LYRM4: variants seen among roughly 807,000 people sequenced by gnomAD.
LYRM4 encodes the protein LYR motif containing 4.
A neutral mutation model predicts 11.7 loss-of-function variants in LYRM4; 9 were observed. The observed-to-expected ratio is 0.77, with a 90% confidence interval of 0.46 to 1.34. LYRM4 has a LOEUF of 1.34. LYRM4 is among the 40% of genes most tolerant of loss of function. The pLI, the probability that LYRM4 is intolerant of heterozygous loss-of-function variation, is 0.00. For missense variants in LYRM4, 133 were observed against 112.5 expected, an observed-to-expected ratio of 1.18 and a Z score of -0.82; for synonymous variants, 42 against 40.4, an observed-to-expected ratio of 1.04 and a Z score of -0.15.
chr6:5,156,713 T>C (rs1758434008), intron 2 of LYRM4, among the ~76,000 whole-genome samples: 1 of 152,194 alleles, frequency 6.6e-6, no homozygotes, highest in Non-Finnish European at 1.5e-5. Flanking sequence ...TATAATCTGT[T>C]TTGTGCTAAA....
At chr6:5,165,096 T>C (rs1356569840) in intron 2 of LYRM4, among the ~76,000 whole-genome samples, 1 of 152,184 alleles carries the variant, frequency 6.6e-6, no homozygotes, top group Non-Finnish European at 1.5e-5. Flanking sequence ...TCTTTCCTCC[T>C]ATCATGCTGA....
rs777995486 is a variant in LYRM4 at position 5,256,490 on chromosome 6, G to GAAAAAAAAAAAAAAAAAAAA, written c.86+4157_86+4158insTTTTTTTTTTTTTTTTTTTT. ...GGGCAACAAGGGCAAGATTTCAACT[G>GAAAAAAAAAAAAAAAAAAAA]GAAAAAAAAAAAAAAAAAAAAAAAA... On this transcript the variant is annotated intron_variant, in intron 1 of 2. Coordinates refer to ENST00000330636, the MANE Select transcript of LYRM4 (RefSeq NM_020408.6). Among the ~76,000 whole-genome samples the GAAAAAAAAAAAAAAAAAAAA allele has an allele frequency of 6.1e-4, 23 of 37,522 alleles. 8 individuals carry two copies. The highest frequency in any genetic ancestry group is 7.6e-4 in the Non-Finnish European group (14 of 18,394). The allele number at this position is 37,522 out of a possible 152,430, so 24.6% of individuals were successfully genotyped here.
the LYRM4 span, among the ~76,000 whole-genome samples, chr6:5,071,474 C>T: frequency 1.1e-4 from 16 of 152,048 alleles, no homozygotes; most frequent in African/African-American, 3.4e-4. Flanking sequence ...GAGCAAGGTA[C>T]TTGGCTTGGA....
chr6:5,160,503 AT>A (rs1344304716), intron 2 of LYRM4, among the ~76,000 whole-genome samples: 2 of 151,982 alleles, frequency 1.3e-5, no homozygotes, highest in Non-Finnish European at 2.9e-5. Context: ...AAAATCTGAT[AT>A]TTTTATAATA....
intron 2 of LYRM4, among the ~76,000 whole-genome samples, chr6:5,144,428 G>A (rs973095194): frequency 6.6e-6 from 1 of 151,986 alleles, no homozygotes; most frequent in African/African-American, 2.4e-5. Context: ...ACAAGCTCAG[G>A]AGATCGAGAC....
intron 2 of LYRM4, chr6:5,136,360 G>C: frequency 1.0e-6 from 1 of 985,312 alleles, no homozygotes; most frequent in Non-Finnish European, 1.2e-6. Context: ...TTTTTGACTG[G>C]GGCTGGGTTG....
chr6:5,162,303 T>C (rs1013987242), intron 2 of LYRM4, among the ~76,000 whole-genome samples: 2 of 152,184 alleles, frequency 1.3e-5, no homozygotes, highest in Non-Finnish European at 1.5e-5. Flanking sequence ...CCATTTCATT[T>C]ACCTTATTTT....
At chr6:5,060,898 A>C in the LYRM4 span, among the ~76,000 whole-genome samples, 1 of 152,200 alleles carries the variant, frequency 6.6e-6, no homozygotes, top group South Asian at 2.1e-4. Flanking sequence ...CCCCATAGCC[A>C]ACTAGTTATA....
the LYRM4 span, among the ~76,000 whole-genome samples, chr6:5,090,672 T>C: frequency 2.0e-5 from 3 of 152,308 alleles, no homozygotes; most frequent in South Asian, 6.2e-4. This position sits in a 1 kb window ranked among gnomAD's most constrained non-coding sequence, Gnocchi z 4.8. Flanking sequence ...TCTTCTGCCT[T>C]GACCGAGGGG....
At chr6:5,246,540 A>T (rs1456709142) in intron 1 of LYRM4, among the ~76,000 whole-genome samples, 2 of 152,080 alleles carry the variant, frequency 1.3e-5, no homozygotes, top group African/African-American at 4.8e-5. Flanking sequence ...TACTTGAGAA[A>T]CCTCACAGTA....
intron 2 of LYRM4, among the ~76,000 whole-genome samples, chr6:5,174,949 C>G (rs1007636382): frequency 2.0e-5 from 3 of 152,196 alleles, no homozygotes; most frequent in Non-Finnish European, 4.4e-5. Flanking sequence ...ACACATCACA[C>G]ACGTAATTAA....
At chr6:5,119,584 C>G (rs1194768837) in intron 2 of LYRM4, among the ~76,000 whole-genome samples, 1 of 151,906 alleles carries the variant, frequency 6.6e-6, no homozygotes, top group African/African-American at 2.4e-5. Context: ...GCCAGGAGTT[C>G]AACACCCGCC....
At chr6:5,103,628 A>ATATTCTTTTTTTTTTTTTTTTTTTTTTTG (rs1167290454), downstream of LYRM4, 1 of 98,622 alleles carries the variant, frequency 1.0e-5, no homozygotes. Flanking sequence ...AATATCTGAG[A>ATATTCTTTTTTTTTTTTTTTTTTTTTTTG]TATTTTTTTT....
At chr6:5,242,518 G>C (rs996645172) in intron 1 of LYRM4, among the ~76,000 whole-genome samples, 1 of 151,194 alleles carries the variant, frequency 6.6e-6, no homozygotes, top group Non-Finnish European at 1.5e-5. Context: ...TCAGGAGTTC[G>C]AGACCAGCCT....
At chr6:5,137,500 A>G (rs536481554) in intron 2 of LYRM4, among the ~76,000 whole-genome samples, 22 of 152,332 alleles carry the variant, frequency 1.4e-4, no homozygotes, top group Non-Finnish European at 1.5e-5. Flanking sequence ...TGAGAAGCTT[A>G]CAAAGGTGTT....
intron 1 of LYRM4, among the ~76,000 whole-genome samples, chr6:5,251,074 T>C (rs569333983): frequency 3.3e-5 from 5 of 152,350 alleles, no homozygotes; most frequent in Non-Finnish European, 5.9e-5. Flanking sequence ...GCCGTCCTTA[T>C]ATGTACATTG....
chr6:5,175,848 G>A (rs1759683235), intron 2 of LYRM4, among the ~76,000 whole-genome samples: 1 of 152,130 alleles, frequency 6.6e-6, no homozygotes, highest in East Asian at 1.9e-4. Flanking sequence ...CTACCACGAT[G>A]TGAGGAAGCC....
chr6:5,248,066 CA>C (rs1275533315), intron 1 of LYRM4, among the ~76,000 whole-genome samples: 1 of 152,166 alleles, frequency 6.6e-6, no homozygotes, highest in African/African-American at 2.4e-5. Context: ...ATACTGTACA[CA>C]AAGGTACTCA....
the LYRM4 span, among the ~76,000 whole-genome samples, chr6:5,051,029 A>G: frequency 3.8e-3 from 584 of 152,346 alleles, 6 homozygotes; most frequent in African/African-American, 0.013. Context: ...ACAATAACAA[A>G]TGAAATTTTC....
Sources: allele counts gnomAD v4.1 joint callset (sites outside exome capture counted in the v4.1 genomes callset), GRCh38; gene constraint gnomAD v4.1.1; non-coding constraint Gnocchi (gnomAD v3.1); transcripts MANE v1.5; gene names NCBI Gene and HGNC (gene_info 2026-07-23, HGNC 2026-07-21).